CNTNAP5: variants seen among roughly 807,000 people sequenced by gnomAD.
CNTNAP5 encodes the protein contactin-associated protein-like 5.
CNTNAP5 carries 72 observed loss-of-function variants against 150.2 expected under a neutral mutation model. The ratio of observed to expected loss-of-function variants is 0.48; its 90% confidence interval spans 0.40 to 0.58. The LOEUF (loss-of-function observed/expected upper bound fraction) is 0.58, where lower values mean the gene tolerates loss of function less well. CNTNAP5 is among the 20% of genes least tolerant of loss of function. The pLI is 0.00. For synonymous variants in CNTNAP5, 672 were observed against 619.8 expected (o/e 1.08, Z -1.25); for missense variants, 1,636 against 1,626.2 (o/e 1.01, Z -0.10).
chr2:124,629,151 G>A (rs1249201749), intron 12 of CNTNAP5, among the ~76,000 whole-genome samples: 24 of 152,086 alleles, frequency 1.6e-4, no homozygotes, highest in Admixed American at 1.3e-3. Context: ...GATAGATCAC[G>A]GAGACAGAAA....
intron 19 of CNTNAP5, among the ~76,000 whole-genome samples, chr2:124,817,702 A>G (rs1465537728): frequency 6.6e-6 from 1 of 152,110 alleles, no homozygotes; most frequent in Non-Finnish European, 1.5e-5. Context: ...GTGTGACTTG[A>G]GGAAGTTACC....
intron 1 of CNTNAP5, among the ~76,000 whole-genome samples, chr2:124,207,994 G>C (rs2104719886): frequency 6.6e-6 from 1 of 152,252 alleles, no homozygotes; most frequent in Admixed American, 6.5e-5. Flanking sequence ...TTGTAATTCA[G>C]GATGAGCAAG....
intron 11 of CNTNAP5, among the ~76,000 whole-genome samples, chr2:124,583,693 C>T (rs1696464663): frequency 2.0e-5 from 3 of 152,118 alleles, no homozygotes; most frequent in Non-Finnish European, 1.5e-5. Flanking sequence ...GGCTGCAGTC[C>T]TTATGTGTTT....
chr2:124,133,520 C>T (rs878943480), intron 1 of CNTNAP5, among the ~76,000 whole-genome samples: 3 of 152,144 alleles, frequency 2.0e-5, no homozygotes, highest in Admixed American at 1.3e-4. Context: ...ATAGGAAATG[C>T]TTTCCCTCTG....
At chr2:124,837,250 A>G (rs925341740) in intron 19 of CNTNAP5, among the ~76,000 whole-genome samples, 2 of 152,150 alleles carry the variant, frequency 1.3e-5, no homozygotes, top group Non-Finnish European at 1.5e-5. Context: ...GAAAATTCCA[A>G]AGTTAAAACA....
At chr2:124,568,817 G>A (rs1347921140) in intron 11 of CNTNAP5, among the ~76,000 whole-genome samples, 1 of 152,108 alleles carries the variant, frequency 6.6e-6, no homozygotes, top group Non-Finnish European at 1.5e-5. Context: ...AGGCCGAGGC[G>A]GGCAGATCAT....
chr2:124,617,026 G>A (rs1244216049), intron 12 of CNTNAP5, among the ~76,000 whole-genome samples: 4 of 151,924 alleles, frequency 2.6e-5, no homozygotes, highest in Non-Finnish European at 5.9e-5. Flanking sequence ...GTGGATTCGT[G>A]GCTCTTGCCA....
At chr2:124,707,132 GAAGAAGAGGAAGAAGAAGAAGAA>G in intron 13 of CNTNAP5, among the ~76,000 whole-genome samples, 1 of 93,976 alleles carries the variant, frequency 1.1e-5, no homozygotes, top group East Asian at 3.0e-4. Flanking sequence ...GAAAGAAGAA[GAAGAAGAGGAAGAAGAAGAAGAA>G]GAAGAAGAAG....
At chr2:124,110,256 C>CGGGATTCAG (rs1683264204) in intron 1 of CNTNAP5, among the ~76,000 whole-genome samples, 1 of 152,050 alleles carries the variant, frequency 6.6e-6, no homozygotes, top group African/African-American at 2.4e-5. Flanking sequence ...TACTGAGCAC[C>CGGGATTCAG]GGGATTCAGA....
chr2:124,176,878 C>A (rs74266579), intron 1 of CNTNAP5, among the ~76,000 whole-genome samples: 18,462 of 116,810 alleles, frequency 0.16, 1,357 homozygotes, highest in Middle Eastern at 0.41. Flanking sequence ...GCGTTTCTCT[C>A]TTGTTGCCCA....
At chr2:124,686,480 C>T (rs1183610571) in intron 13 of CNTNAP5, among the ~76,000 whole-genome samples, 1 of 152,054 alleles carries the variant, frequency 6.6e-6, no homozygotes, top group Admixed American at 6.6e-5. Flanking sequence ...AGATGGCTCA[C>T]CTATAGAAGA....
intron 3 of CNTNAP5, among the ~76,000 whole-genome samples, chr2:124,362,883 A>G (rs1690256561): frequency 6.6e-6 from 1 of 152,196 alleles, no homozygotes; most frequent in South Asian, 2.1e-4. Flanking sequence ...GTGTTCTATC[A>G]CTGCTCAATA....
intron 12 of CNTNAP5, among the ~76,000 whole-genome samples, chr2:124,643,383 AG>A (rs1378267800): frequency 1.3e-5 from 2 of 152,202 alleles, no homozygotes; most frequent in Non-Finnish European, 1.5e-5. Context: ...ATATTTTTCC[AG>A]GTTTCTGGCT....
chr2:124,048,473 A>T (rs927622888), intron 1 of CNTNAP5, among the ~76,000 whole-genome samples: 6 of 152,212 alleles, frequency 3.9e-5, no homozygotes, highest in African/African-American at 1.4e-4. Flanking sequence ...TTACCTGATA[A>T]CATTTTGTTT....
At chr2:124,179,961 A>G (rs1685170268) in intron 1 of CNTNAP5, among the ~76,000 whole-genome samples, 2 of 151,842 alleles carry the variant, frequency 1.3e-5, no homozygotes, top group African/African-American at 4.8e-5. Context: ...TAAAAAATAA[A>G]CCCATGATTC....
At chr2:124,025,955 T>A (rs1056954269) in intron 1 of CNTNAP5, among the ~76,000 whole-genome samples, 4 of 152,160 alleles carry the variant, frequency 2.6e-5, no homozygotes, top group African/African-American at 9.7e-5. Context: ...TATCGCAAAG[T>A]TCAAGGGATA....
chr2:124,427,158 G>C (rs1374173573), intron 4 of CNTNAP5, among the ~76,000 whole-genome samples: 1 of 152,110 alleles, frequency 6.6e-6, no homozygotes, highest in Non-Finnish European at 1.5e-5. Flanking sequence ...AGATAAAATA[G>C]AGAACTCTGA....
At chr2:124,778,698 A>G (rs1199689338) in intron 17 of CNTNAP5, 2 of 152,506 alleles carry the variant, frequency 1.3e-5, no homozygotes, top group Non-Finnish European at 2.9e-5. Flanking sequence ...AAAGAAAAGT[A>G]TAGTTCAGAG....
chr2:124,250,972 A>C (rs555915735), intron 3 of CNTNAP5, among the ~76,000 whole-genome samples: 3 of 152,288 alleles, frequency 2.0e-5, no homozygotes, highest in African/African-American at 7.2e-5. Context: ...AAAGGTAACT[A>C]ATTTTAGTCA....
Sources: gnomAD v4.1 joint callset for allele counts (sites outside exome capture counted in the v4.1 genomes callset) on GRCh38, gnomAD v4.1.1 for gene constraint, MANE v1.5 for transcripts, NCBI Gene and HGNC (gene_info 2026-07-23, HGNC 2026-07-21) for gene names.